Variants in TMA16 observed in about 807,000 individuals in gnomAD.
The protein encoded by TMA16 is translation machinery associated 16 homolog, also known as translation machinery-associated protein 16.
In TMA16, 26 loss-of-function variants were observed where a neutral mutation model predicts 27.1. That is an observed-to-expected ratio of 0.96 (90% confidence interval 0.70 to 1.33). The LOEUF (loss-of-function observed/expected upper bound fraction) is 1.33, where lower values mean the gene tolerates loss of function less well. TMA16 is among the 40% of genes most tolerant of loss of function. The probability of loss-of-function intolerance (pLI) is 0.00; values close to 1 mark genes in which losing one functional copy is unlikely to be tolerated. For missense variants in TMA16, 233 were observed against 241.4 expected (o/e 0.97, Z 0.23); for synonymous variants, 71 against 81.9 (o/e 0.87, Z 0.72).
intron 1 of TMA16, among the ~76,000 whole-genome samples, chr4:163,505,863 T>A (rs181123300): frequency 6.6e-6 from 1 of 152,284 alleles, no homozygotes; most frequent in East Asian, 1.9e-4. Context: ...TTATGAAAGA[T>A]TCTGAGGATT....
chr4:163,496,615 G>T (rs1737556817), intron 1 of TMA16, among the ~76,000 whole-genome samples: 2 of 149,192 alleles, frequency 1.3e-5, no homozygotes, highest in Admixed American at 6.6e-5. Context: ...ATTTTTTTTT[G>T]AGACGGTGTT....
At chr4:163,501,458 T>A (rs969544221) in intron 1 of TMA16, among the ~76,000 whole-genome samples, 3 of 152,232 alleles carry the variant, frequency 2.0e-5, no homozygotes, top group Admixed American at 6.5e-5. Context: ...ACCAGTCTGT[T>A]TATGTGTCTC....
At chr4:163,514,195 A>C in intron 4 of TMA16, 37 bp downstream of exon 4, 1 of 1,527,700 alleles carries the variant, frequency 6.5e-7, no homozygotes, top group Non-Finnish European at 8.9e-7. Context: ...AGGGTCAGAA[A>C]AGGGAATTGT....
At chr4:163,506,101 C>T (rs967650420) in intron 1 of TMA16, among the ~76,000 whole-genome samples, 2 of 152,110 alleles carry the variant, frequency 1.3e-5, no homozygotes, top group Non-Finnish European at 2.9e-5. Flanking sequence ...TCTGCAACTT[C>T]CCAGGTCATG....
intron 2 of TMA16, among the ~76,000 whole-genome samples, chr4:163,511,087 T>C (rs975743610): frequency 5.9e-5 from 9 of 152,232 alleles, no homozygotes; most frequent in African/African-American, 1.9e-4. Flanking sequence ...TTTGGGTATA[T>C]AAGAATTGCT....
intron 1 of TMA16, among the ~76,000 whole-genome samples, chr4:163,500,443 T>G (rs1457439888): frequency 1.3e-5 from 2 of 152,156 alleles, no homozygotes; most frequent in Non-Finnish European, 2.9e-5. Flanking sequence ...ACTCTTGACC[T>G]CAAGCAGTCT....
At chr4:163,515,603 A>G in intron 5 of TMA16, 142 bp downstream of exon 5, 1 of 1,089,534 alleles carries the variant, frequency 9.2e-7, no homozygotes, top group Non-Finnish European at 1.3e-6. Flanking sequence ...AGGGTTTAGA[A>G]AAATTTTGGA....
intron 1 of TMA16, among the ~76,000 whole-genome samples, chr4:163,500,286 C>G (rs1486899898): frequency 2.7e-5 from 4 of 149,336 alleles, no homozygotes; most frequent in Non-Finnish European, 5.9e-5. Context: ...TCTCAGCTCA[C>G]TGCAACCTCT....
chr4:163,497,685 A>G (rs1472751444), intron 1 of TMA16, among the ~76,000 whole-genome samples: 1 of 152,140 alleles, frequency 6.6e-6, no homozygotes, highest in Non-Finnish European at 1.5e-5. Context: ...CCTTCCTCTT[A>G]CATGGACCTT....
At chr4:163,502,894 C>T (rs569559678) in intron 1 of TMA16, among the ~76,000 whole-genome samples, 45 of 152,078 alleles carry the variant, frequency 3.0e-4, no homozygotes, top group Non-Finnish European at 5.1e-4. Context: ...TGTAATTTAC[C>T]GTCATTCACG....
At chr4:163,507,295 GACTCT>G in intron 2 of TMA16, 150 bp downstream of exon 2, 1 of 682,406 alleles carries the variant, frequency 1.5e-6, no homozygotes, top group Non-Finnish European at 2.4e-6. Flanking sequence ...ACTGAACAAG[GACTCT>G]ACTCTTTTAG....
In TMA16 at chr4:163,519,254, C is replaced by T. The variant is rs546021494; in HGVS notation, c.432-80C>T. 1.9e-5 allele frequency: 26 copies of T among 1,348,936 alleles called. No individual in the cohort carries two copies. In the African/African-American group the frequency reaches 2.9e-4, roughly 15 times the overall value. The allele number at this position is 1,348,936 out of a possible 1,614,324, so 83.6% of individuals were successfully genotyped here. A position where few individuals can be genotyped will look rare whatever the true frequency, so the allele number is the denominator to read the frequency against. On this transcript the variant is annotated intron_variant, in intron 6 of 6. Coordinates refer to ENST00000358572, the MANE Select transcript of TMA16 (RefSeq NM_018352.3). ...TGAATATGTAGGATCCTCAGAGTTT[C>T]GAAAATTTACTATCTCCTGTTTTTC...
At chr4:163,507,804 T>C (rs573152076) in intron 2 of TMA16, among the ~76,000 whole-genome samples, 1 of 152,234 alleles carries the variant, frequency 6.6e-6, no homozygotes, top group East Asian at 1.9e-4. Context: ...CAAAGATTCC[T>C]TAAAATGAAG....
At chr4:163,499,610 G>T (rs1033142451) in intron 1 of TMA16, among the ~76,000 whole-genome samples, 6 of 152,008 alleles carry the variant, frequency 3.9e-5, no homozygotes. Context: ...TATATAAAAT[G>T]GTGTCGTTTT....
chr4:163,498,860 G>T (rs766746057), intron 1 of TMA16, among the ~76,000 whole-genome samples: 1 of 151,980 alleles, frequency 6.6e-6, no homozygotes, highest in Admixed American at 6.6e-5. Flanking sequence ...GTCTCACTAT[G>T]TTGTCCAGGC....
At chr4:163,506,949 A>T (rs1737725056) in intron 1 of TMA16, 84 bp from the exon 2 acceptor site, 1 of 1,129,808 alleles carries the variant, frequency 8.9e-7, no homozygotes, top group Non-Finnish European at 1.2e-6. Context: ...TACTGTTTTT[A>T]AAATTTATTT....
chr4:163,494,832 G>A (rs1294274788), intron 1 of TMA16, 28 bp downstream of exon 1: 4 of 1,610,520 alleles, frequency 2.5e-6, no homozygotes, highest in African/African-American at 1.3e-5. Flanking sequence ...CCCCCGAACC[G>A]CTCGGTTGGT....
intron 1 of TMA16, among the ~76,000 whole-genome samples, chr4:163,503,520 G>A (rs1228399902): frequency 6.6e-6 from 1 of 152,118 alleles, no homozygotes; most frequent in East Asian, 1.9e-4. Flanking sequence ...AATATTTAAA[G>A]CGTATTGCCC....
At chr4:163,516,429 A>T (rs1377954281) in intron 5 of TMA16, among the ~76,000 whole-genome samples, 1 of 152,234 alleles carries the variant, frequency 6.6e-6, no homozygotes, top group Non-Finnish European at 1.5e-5. Flanking sequence ...GTGCTTATTT[A>T]TACTTTTTAA....
Sources: allele counts gnomAD v4.1 joint callset (sites outside exome capture counted in the v4.1 genomes callset), GRCh38; gene constraint gnomAD v4.1.1; transcripts MANE v1.5; gene names NCBI Gene and HGNC (gene_info 2026-07-23, HGNC 2026-07-21).